Variants in CPE observed in about 807,000 individuals in gnomAD.
The protein encoded by CPE is carboxypeptidase E.
In CPE, 17 loss-of-function variants were observed where a neutral mutation model predicts 53.5. That is an observed-to-expected ratio of 0.32 (90% CI 0.22 to 0.48). The LOEUF is 0.48. Ranked by LOEUF, CPE falls within the 20% of genes least tolerant of loss-of-function variation. The pLI is 0.99. For missense variants in CPE, 524 were observed against 614.7 expected (o/e 0.85, Z 1.56); for synonymous variants, 226 against 228.8 (o/e 0.99, Z 0.11).
intron 4 of CPE, 36 bp downstream of exon 4, chr4:165,482,395 G>T: frequency 7.2e-7 from 1 of 1,390,560 alleles, no homozygotes; most frequent in Non-Finnish European, 1.0e-6. Context: ...TTGGTTCAAA[G>T]TTTATAACAC....
chr4:165,448,364 A>G (rs1473227136), intron 1 of CPE, among the ~76,000 whole-genome samples: 1 of 152,230 alleles, frequency 6.6e-6, no homozygotes, highest in African/African-American at 2.4e-5. Context: ...AAGAACATGC[A>G]AGAACAATGT....
At chr4:165,476,459 A>G (rs1206684652) in intron 3 of CPE, among the ~76,000 whole-genome samples, 1 of 151,108 alleles carries the variant, frequency 6.6e-6, no homozygotes. Context: ...GTGTTCCTAG[A>G]GGAAGGTCAT....
chr4:165,426,388 C>T (rs1379372747), intron 1 of CPE, among the ~76,000 whole-genome samples: 3 of 152,206 alleles, frequency 2.0e-5, no homozygotes, highest in Non-Finnish European at 4.4e-5. Flanking sequence ...ATCTCAGTTG[C>T]TGTGTGACAT....
chr4:165,454,159 C>T (rs1391744648), intron 1 of CPE, among the ~76,000 whole-genome samples: 1 of 152,164 alleles, frequency 6.6e-6, no homozygotes, highest in East Asian at 1.9e-4. Context: ...CCAGTACAAG[C>T]CTACTCCATC....
intron 1 of CPE, among the ~76,000 whole-genome samples, chr4:165,423,474 T>C (rs921268361): frequency 1.3e-5 from 2 of 151,968 alleles, no homozygotes; most frequent in African/African-American, 4.8e-5. Flanking sequence ...TAGTCTTTCT[T>C]ATTTATAAAT....
At chr4:165,461,161 T>C (rs1384329173) in intron 1 of CPE, among the ~76,000 whole-genome samples, 4 of 21,588 alleles carry the variant, frequency 1.9e-4, no homozygotes, top group Admixed American at 1.2e-3. Context: ...AGTGAGCCTC[T>C]GCCTCAAAAA....
intron 1 of CPE, among the ~76,000 whole-genome samples, chr4:165,414,280 A>C (rs1439683591): frequency 6.6e-6 from 1 of 152,224 alleles, no homozygotes; most frequent in African/African-American, 2.4e-5. Context: ...TTGGATAAAA[A>C]TCTATTTTAT....
chr4:165,488,939 A>T (rs975989816), intron 6 of CPE, among the ~76,000 whole-genome samples: 2 of 152,178 alleles, frequency 1.3e-5, no homozygotes, highest in African/African-American at 4.8e-5. Context: ...CTTACCAGGG[A>T]CTGTCGTGGA....
intron 4 of CPE, 98 bp downstream of exon 4, chr4:165,482,457 A>T: frequency 1.2e-6 from 1 of 812,476 alleles, no homozygotes; most frequent in South Asian, 1.8e-5. Context: ...GGAACTGAAC[A>T]TTAAGTGATT....
At chr4:165,466,863 CT>C (rs1292338736) in intron 2 of CPE, among the ~76,000 whole-genome samples, 1 of 152,112 alleles carries the variant, frequency 6.6e-6, no homozygotes, top group African/African-American at 2.4e-5. Flanking sequence ...CTTTAAAAAC[CT>C]TTTGGACTCT....
chr4:165,403,504 G>A, intron 1 of CPE, among the ~76,000 whole-genome samples: 1 of 152,016 alleles, frequency 6.6e-6, no homozygotes, highest in Non-Finnish European at 1.5e-5. Context: ...AATCATTGGG[G>A]CCCCAGCTCT....
intron 1 of CPE, among the ~76,000 whole-genome samples, chr4:165,431,557 AG>A (rs1386076843): frequency 6.6e-6 from 1 of 152,180 alleles, no homozygotes; most frequent in Non-Finnish European, 1.5e-5. Flanking sequence ...AGTTAATAAT[AG>A]GGGGAGATTT....
chr4:165,460,326 C>A (rs749338509), intron 1 of CPE, among the ~76,000 whole-genome samples: 2 of 152,122 alleles, frequency 1.3e-5, no homozygotes, highest in African/African-American at 4.8e-5. Context: ...ATTCTGAAGG[C>A]AAAATTTCTT....
chr4:165,418,018 CA>C (rs1731153992), intron 1 of CPE, among the ~76,000 whole-genome samples: 2 of 152,148 alleles, frequency 1.3e-5, no homozygotes, highest in Non-Finnish European at 2.9e-5. Context: ...TGAATTCTGA[CA>C]GGTGGACTGA....
chr4:165,464,434 G>A lies in CPE; in HGVS notation c.352G>A (p.Ala118Thr), dbSNP rs1373740725. 1.9e-6 allele frequency: 3 copies of A among 1,612,702 alleles called. No individual in the cohort carries two copies. Among genetic ancestry groups the A allele is most frequent in the African/African-American group, 2.7e-5 (2 of 74,824 alleles). The change falls in exon 2 of 9, where the codon GCT (alanine) becomes ACT (threonine). Residue 118 changes from alanine (A) to threonine (T), a missense_variant. Ala to Thr is a moderately conservative substitution (Grantham distance 58). Coordinates refer to ENST00000402744, the MANE Select transcript of CPE (RefSeq NM_001873.4). ...CATTGGGAATATGCATGGGAATGAG[G>A]CTGTTGGACGAGAACTGCTCATTTT... is the stretch of plus-strand genomic sequence containing the variant. ...KYIGNMHGNE[A>T]VGRELLIFLA...
At chr4:165,402,470 C>T (rs111967203) in intron 1 of CPE, among the ~76,000 whole-genome samples, 7 of 152,134 alleles carry the variant, frequency 4.6e-5, no homozygotes, top group African/African-American at 1.7e-4. Flanking sequence ...GTGTTGGAGA[C>T]GGAGCCTGTT....
intron 1 of CPE, among the ~76,000 whole-genome samples, chr4:165,460,374 T>C (rs1456558654): frequency 6.6e-6 from 1 of 152,188 alleles, no homozygotes; most frequent in Non-Finnish European, 1.5e-5. Flanking sequence ...AAAAATAGCT[T>C]TGGGGAGCTG....
chr4:165,437,358 A>G (rs539545408), intron 1 of CPE, among the ~76,000 whole-genome samples: 8 of 152,310 alleles, frequency 5.3e-5, no homozygotes, highest in African/African-American at 1.4e-4. Context: ...TAATATTTTC[A>G]GCATATTTTT....
intron 1 of CPE, among the ~76,000 whole-genome samples, chr4:165,446,069 C>T (rs1171510081): frequency 3.9e-5 from 6 of 151,982 alleles, no homozygotes; most frequent in Non-Finnish European, 8.8e-5. Context: ...CACAAATTCA[C>T]ACCATGTATA....
Sources: gnomAD v4.1 joint callset for allele counts (sites outside exome capture counted in the v4.1 genomes callset) on GRCh38, gnomAD v4.1.1 for gene constraint, MANE v1.5 for transcripts, NCBI Gene and HGNC (gene_info 2026-07-23, HGNC 2026-07-21) for gene names.